Variants in BICRAL observed in about 807,000 individuals in gnomAD.
The protein encoded by BICRAL is BRD4-interacting chromatin-remodeling complex-associated protein-like.
A neutral mutation model predicts 91.8 loss-of-function variants in BICRAL; 8 were observed. The observed-to-expected ratio is 0.09, with a 90% CI of 0.05 to 0.16. BICRAL has a LOEUF of 0.16. Among genes scored for constraint, BICRAL ranks in the 10% least tolerant of loss-of-function variants. The probability of loss-of-function intolerance (pLI) is 1.00; values close to 1 mark genes in which losing one functional copy is unlikely to be tolerated. For synonymous variants in BICRAL, 445 were observed against 491.1 expected, an observed-to-expected ratio of 0.91 and a Z score of 1.24; for missense variants, 1,038 against 1,310.9, an observed-to-expected ratio of 0.79 and a Z score of 3.21.
chr6:42,859,848 T>A (rs1765497491), intron 10 of BICRAL, among the ~76,000 whole-genome samples: 1 of 152,014 alleles, frequency 6.6e-6, no homozygotes, highest in Non-Finnish European at 1.5e-5. Flanking sequence ...GGTTTCACCA[T>A]GTTAGCCAGG....
intron 1 of BICRAL, among the ~76,000 whole-genome samples, chr6:42,784,336 AAAG>A (rs1763039102): frequency 6.6e-6 from 1 of 152,154 alleles, no homozygotes; most frequent in Non-Finnish European, 1.5e-5. Flanking sequence ...TTATTATTGA[AAAG>A]AGGAGGGGAA....
chr6:42,830,399 C>G (rs1764439079), intron 6 of BICRAL, among the ~76,000 whole-genome samples: 1 of 151,986 alleles, frequency 6.6e-6, no homozygotes, highest in Non-Finnish European at 1.5e-5. Flanking sequence ...GACCCTGACT[C>G]TACCAAAAAT....
intron 11 of BICRAL, among the ~76,000 whole-genome samples, chr6:42,861,172 G>A (rs1422549478): frequency 6.6e-6 from 1 of 152,050 alleles, no homozygotes; most frequent in African/African-American, 2.4e-5. Context: ...ATCACCTGAG[G>A]TCAGGAGTTT....
At chr6:42,831,246 A>C (rs1764467635) in intron 6 of BICRAL, among the ~76,000 whole-genome samples, 1 of 152,202 alleles carries the variant, frequency 6.6e-6, no homozygotes, top group Non-Finnish European at 1.5e-5. Context: ...ATAGCAGGCT[A>C]TTAGGACATG....
At chr6:42,832,611 G>A (rs1465399799) in intron 6 of BICRAL, among the ~76,000 whole-genome samples, 1 of 147,134 alleles carries the variant, frequency 6.8e-6, no homozygotes, top group Non-Finnish European at 1.5e-5. Context: ...GTGTGTGTTT[G>A]AAATAACATC....
At chr6:42,863,165 C>T (rs989951001) in intron 12 of BICRAL, among the ~76,000 whole-genome samples, 6 of 151,718 alleles carry the variant, frequency 4.0e-5, no homozygotes, top group Admixed American at 1.3e-4. Flanking sequence ...TCTCCTGCCT[C>T]AGCCTCCCAA....
chr6:42,840,493 G>A (rs746545366), intron 6 of BICRAL, among the ~76,000 whole-genome samples: 5 of 151,068 alleles, frequency 3.3e-5, no homozygotes, highest in South Asian at 2.1e-4. Flanking sequence ...CGCCTGCCTC[G>A]GCCTCCCAAA....
chr6:42,769,001 A>AT (rs930663648), intron 1 of BICRAL, among the ~76,000 whole-genome samples: 1 of 152,216 alleles, frequency 6.6e-6, no homozygotes, highest in African/African-American at 2.4e-5. Flanking sequence ...TCTGGACTTC[A>AT]TGTTAACCCA....
At chr6:42,769,280 G>C (rs1762685050) in intron 1 of BICRAL, among the ~76,000 whole-genome samples, 2 of 152,216 alleles carry the variant, frequency 1.3e-5, no homozygotes, top group South Asian at 4.1e-4. Flanking sequence ...TTAGCTATTG[G>C]CTGGAGACTT....
intron 7 of BICRAL, 49 bp downstream of exon 7, chr6:42,852,246 C>A: frequency 9.4e-7 from 1 of 1,059,142 alleles, no homozygotes; most frequent in Non-Finnish European, 1.5e-6. Context: ...CCACGGGATG[C>A]TCTTCTCACT....
chr6:42,828,454 G>A, intron 5 of BICRAL, 39 bp from the exon 6 acceptor site: 1 of 1,499,734 alleles, frequency 6.7e-7, no homozygotes. Flanking sequence ...CCTTTTCAAA[G>A]GTTACATATG....
Position 42,792,738 on chromosome 6 carries a change from C to A in BICRAL, c.-102+10637C>A, listed in dbSNP as rs571891968. ...GACCAGCCTGGCCAACATGAAGAAACCCCATCTCTACTAAAAATACAAAAA... is the reference window on the plus strand; with the variant it reads ...GACCAGCCTGGCCAACATGAAGAAAACCCATCTCTACTAAAAATACAAAAA... On this transcript the variant is annotated intron_variant, in intron 1 of 12. Transcript: ENST00000314073. Among the ~76,000 whole-genome samples the A allele has an allele frequency of 3.0e-3, 458 of 151,952 alleles. 1 individual carries two copies. The highest frequency in any genetic ancestry group is 0.01 in the African/African-American group (434 of 41,476).
At chr6:42,847,214 C>T (rs1369490191) in intron 6 of BICRAL, among the ~76,000 whole-genome samples, 2 of 152,106 alleles carry the variant, frequency 1.3e-5, no homozygotes, top group Admixed American at 6.6e-5. Context: ...CGTGCCACTA[C>T]ACTACAGCCA....
chr6:42,839,242 T>C (rs1764720769), intron 6 of BICRAL, among the ~76,000 whole-genome samples: 1 of 151,740 alleles, frequency 6.6e-6, no homozygotes, highest in African/African-American at 2.4e-5. Context: ...CTCCTTCCCA[T>C]TTTTTTTGAG....
At chr6:42,792,162 G>T (rs1763292226) in intron 1 of BICRAL, among the ~76,000 whole-genome samples, 1 of 152,180 alleles carries the variant, frequency 6.6e-6, no homozygotes, top group African/African-American at 2.4e-5. Flanking sequence ...AGGACACTGT[G>T]CACTACTGTG....
At chr6:42,832,387 G>GTATA (rs1238075057) in intron 6 of BICRAL, among the ~76,000 whole-genome samples, 3 of 143,796 alleles carry the variant, frequency 2.1e-5, no homozygotes, top group African/African-American at 5.1e-5. Flanking sequence ...ATGTATGTAT[G>GTATA]TATATATATA....
chr6:42,862,971 A>T (rs1052134065), intron 12 of BICRAL, among the ~76,000 whole-genome samples: 1 of 151,330 alleles, frequency 6.6e-6, no homozygotes, highest in Non-Finnish European at 1.5e-5. Context: ...CAGCATTAAC[A>T]CTTTTTCCAC....
rs909292765 is a variant in BICRAL, at chr6:42,830,916, T to C, written c.1839+744T>C. ...ACAGGCCACCACACCCGACCTTTTT[T>C]CTTAAAATTTTTTATCCAGTGTAGC... On this transcript the variant is annotated intron_variant, in intron 6 of 12. Coordinates refer to ENST00000314073, the MANE Select transcript of BICRAL (RefSeq NM_001393499.1). Among the ~76,000 whole-genome samples the C allele has an allele frequency of 1.3e-4, 20 of 152,312 alleles. No individual in the cohort carries two copies. In the East Asian group the frequency reaches 3.9e-3, roughly 29 times the overall value.
chr6:42,782,325 G>GTGT (rs1223815111), intron 1 of BICRAL, among the ~76,000 whole-genome samples: 1 of 110,274 alleles, frequency 9.1e-6, no homozygotes, highest in South Asian at 3.2e-4. Context: ...GGCTAAGGCT[G>GTGT]TGTTTTTTTT....
Sources: allele counts gnomAD v4.1 joint callset (sites outside exome capture counted in the v4.1 genomes callset), GRCh38; gene constraint gnomAD v4.1.1; transcripts MANE v1.5; gene names NCBI Gene and HGNC (gene_info 2026-07-23, HGNC 2026-07-21).